NEMF: variants seen among roughly 807,000 people sequenced by gnomAD.
NEMF encodes nuclear export mediator factor.
NEMF carries 89 observed loss-of-function variants against 162.2 expected under a neutral mutation model. The observed-to-expected ratio is 0.55, with a 90% CI of 0.46 to 0.65. The LOEUF (loss-of-function observed/expected upper bound fraction) is 0.65, where lower values mean the gene tolerates loss of function less well. Among genes scored for constraint, NEMF ranks in the 30% least tolerant of loss-of-function variants. The pLI is 0.00. For synonymous variants in NEMF, 421 were observed against 404.5 expected (o/e 1.04, Z -0.49); for missense variants, 1,133 against 1,261.9 (o/e 0.90, Z 1.55).
At chr14:49,837,832 A>AC (rs1892982211) in intron 6 of NEMF, among the ~76,000 whole-genome samples, 2 of 149,606 alleles carry the variant, frequency 1.3e-5, no homozygotes, top group Admixed American at 6.7e-5. Context: ...AAAAAAAAAA[A>AC]ACCAAAAAAA....
chr14:49,789,596 T>C, intron 26 of NEMF, 23 bp from the exon 27 acceptor site: 2 of 1,598,994 alleles, frequency 1.3e-6, no homozygotes, highest in Non-Finnish European at 1.7e-6. Context: ...AAGATTTTGG[T>C]TGGAAATATT....
chr14:49,837,892 A>G (rs1892987292), intron 6 of NEMF, among the ~76,000 whole-genome samples: 1 of 151,954 alleles, frequency 6.6e-6, no homozygotes, highest in Non-Finnish European at 1.5e-5. Context: ...AAAAAATCTG[A>G]TTTCTTAGAA....
intron 16 of NEMF, among the ~76,000 whole-genome samples, chr14:49,821,927 T>A (rs1316656540): frequency 2.0e-5 from 3 of 152,086 alleles, no homozygotes; most frequent in East Asian, 3.9e-4. Flanking sequence ...GTGTAGAAAG[T>A]AGTAGACATG....
intron 6 of NEMF, among the ~76,000 whole-genome samples, chr14:49,837,760 C>T (rs980142620): frequency 6.8e-6 from 1 of 147,260 alleles, no homozygotes; most frequent in Admixed American, 6.9e-5. Flanking sequence ...ATCAAAAATG[C>T]TTATTGGGAT....
intron 20 of NEMF, 24 bp downstream of exon 20, chr14:49,803,213 A>G (rs373749179): frequency 5.9e-6 from 9 of 1,521,818 alleles, no homozygotes; most frequent in Non-Finnish European, 8.2e-6. Context: ...AAGTCTAGTG[A>G]TATTTTTCCT....
intron 3 of NEMF, 150 bp downstream of exon 3, chr14:49,851,413 T>C (rs902641864): frequency 6.6e-6 from 4 of 601,900 alleles, no homozygotes; most frequent in African/African-American, 3.7e-5. Context: ...TTAATAAATA[T>C]TCACTTTATT....
intron 16 of NEMF, among the ~76,000 whole-genome samples, 196 bp downstream of exon 16, chr14:49,825,671 T>C (rs1892301925): frequency 6.6e-6 from 1 of 152,144 alleles, no homozygotes. Context: ...AGGAGGTCAA[T>C]GCTACAGTGA....
In NEMF at chr14:49,810,072, C is replaced by G. The variant is rs1215262408; in HGVS notation, c.1744+3916G>C. ...ACCTAAAACTGGTCGAAAAAAATGTCTATTTAAAAAAAGAGGCCGGGTGCG... is the reference window on the plus strand; with the variant it reads ...ACCTAAAACTGGTCGAAAAAAATGTGTATTTAAAAAAAGAGGCCGGGTGCG... On this transcript the variant is annotated intron_variant, in intron 18 of 32. Transcript: ENST00000298310. 2.0e-5 allele frequency among the ~76,000 whole-genome samples: 3 copies of G among 150,366 alleles called. No homozygotes were observed. In the East Asian group the frequency reaches 6.0e-4, roughly 30 times the overall value.
At chr14:49,838,034 G>C in intron 6 of NEMF, 105 bp downstream of exon 6, 1 of 808,550 alleles carries the variant, frequency 1.2e-6, no homozygotes, top group South Asian at 1.9e-5. Flanking sequence ...TTACTCCAAG[G>C]ATCACTTGTT....
chr14:49,796,453 T>C, intron 25 of NEMF: 1 of 337,838 alleles, frequency 3.0e-6, no homozygotes, highest in Non-Finnish European at 5.8e-6. Context: ...CCAGACTTCC[T>C]CCAGAGTCTA....
chr14:49,816,582 T>A (rs1295233191), intron 16 of NEMF, among the ~76,000 whole-genome samples: 2 of 152,244 alleles, frequency 1.3e-5, no homozygotes, highest in East Asian at 3.8e-4. Context: ...AGCTGTAAAA[T>A]TCCTCTTTGT....
In NEMF at chr14:49,802,586, T is replaced by C. The variant is rs758325105; in HGVS notation, c.1975-13A>G. On this transcript the variant is annotated splice_polypyrimidine_tract_variant and intron_variant, in intron 21 of 32. Transcript: ENST00000298310. ...AAGACTCATCTACCTAAAGAAACAG[T>C]TATTTTTCAGTGACGGAGCTTCAGA... The C allele has an allele frequency of 2.0e-5, 32 of 1,612,842 alleles. No individual in the cohort carries two copies.
At chr14:49,847,145 A>G (rs1893543505) in intron 3 of NEMF, among the ~76,000 whole-genome samples, 1 of 151,742 alleles carries the variant, frequency 6.6e-6, no homozygotes, top group Admixed American at 6.6e-5. Flanking sequence ...CAGCCTCCCA[A>G]AGTGCTGGGA....
At chr14:49,822,000 A>C (rs1249805371) in intron 16 of NEMF, among the ~76,000 whole-genome samples, 4 of 152,068 alleles carry the variant, frequency 2.6e-5, no homozygotes, top group Admixed American at 6.6e-5. Flanking sequence ...CTGTTGATCT[A>C]TGACCTTACC....
intron 4 of NEMF, among the ~76,000 whole-genome samples, chr14:49,843,525 C>G (rs1346750786): frequency 6.6e-6 from 1 of 152,158 alleles, no homozygotes; most frequent in Admixed American, 6.6e-5. Context: ...TAAAAGAAGG[C>G]AGACCCAATG....
Position 49,785,008 on chromosome 14 carries a change from T to A in NEMF, c.3074-4A>T. ...CTATTCAAGGCTGTTTTTGCAGCTG[T>A]AAATACAAAAAAGAGTAAGAATAAT... On this transcript the variant is annotated splice_region_variant and splice_polypyrimidine_tract_variant and intron_variant, in intron 31 of 32. Transcript: ENST00000298310. 3 of 1,612,874 alleles carry A rather than the reference T, an allele frequency of 1.9e-6. 1 individual carries two copies. The East Asian group carries it at 6.7e-5, about 36-fold the overall frequency.
intron 16 of NEMF, chr14:49,820,361 T>C (rs1172761102): frequency 2.2e-6 from 1 of 453,430 alleles, no homozygotes; most frequent in Non-Finnish European, 4.4e-6. Flanking sequence ...TTTGGTGCCA[T>C]GACAGAGTCA....
chr14:49,841,969 G>T (rs1893234523), intron 4 of NEMF, among the ~76,000 whole-genome samples: 1 of 152,070 alleles, frequency 6.6e-6, no homozygotes, highest in African/African-American at 2.4e-5. Flanking sequence ...GCCAGGCATG[G>T]TGGCGCATGC....
chr14:49,785,450 A>G (rs774465218), intron 29 of NEMF, 130 bp from the exon 30 acceptor site: 58 of 660,968 alleles, frequency 8.8e-5, no homozygotes, highest in Non-Finnish European at 1.5e-4. Flanking sequence ...AAGCTGGAAC[A>G]GTGGTACTTA....
Sources: allele counts gnomAD v4.1 joint callset (sites outside exome capture counted in the v4.1 genomes callset), GRCh38; gene constraint gnomAD v4.1.1; transcripts MANE v1.5; gene names NCBI Gene and HGNC (gene_info 2026-07-23, HGNC 2026-07-21).